Variants in STAG1 observed in about 807,000 individuals in gnomAD.
STAG1 encodes STAG1 cohesin complex component.
In STAG1, 26 loss-of-function variants were observed where a neutral mutation model predicts 170.9. The ratio of observed to expected loss-of-function variants is 0.15; its 90% CI spans 0.11 to 0.21. The LOEUF (loss-of-function observed/expected upper bound fraction) is 0.21, where lower values mean the gene tolerates loss of function less well. Ranked by LOEUF, STAG1 falls within the 10% of genes least tolerant of loss-of-function variation. STAG1 has a pLI of 1.00. For synonymous variants in STAG1, 514 were observed against 497.7 expected (o/e 1.03, Z -0.44); for missense variants, 964 against 1,509.5 (o/e 0.64, Z 5.99).
rs1384212182 is a variant in STAG1 at position 136,337,873 on chromosome 3, A to C, written c.*381T>G. 5.9e-6 allele frequency: 1 copy of C among 168,234 alleles called. No homozygotes were observed. The highest frequency in any genetic ancestry group is 2.4e-5 in the African/African-American group (1 of 42,280). The allele number at this position is 168,234 out of a possible 1,614,324, so 10.4% of individuals were successfully genotyped here. ...TTTTAAATTGTACAACAGGAAAATA[A>C]AGTTAAAAATATGTTTTTTTTTACT... is the stretch of plus-strand genomic sequence containing the variant. On this transcript the variant is annotated 3_prime_UTR_variant, in exon 34 of 34. Coordinates refer to ENST00000383202, the MANE Select transcript of STAG1 (RefSeq NM_005862.3).
Position 136,497,156 on chromosome 3 carries a change from T to C in STAG1, c.902+3067A>G, listed in dbSNP as rs570520977. ...CTAGGCTCCAATGGTAGAACTCTTA[T>C]CTGAAGAAGAAATAATACCAGTTCT... On this transcript the variant is annotated intron_variant, in intron 9 of 33. Transcript: ENST00000383202. Among the ~76,000 whole-genome samples the C allele has an allele frequency of 2.2e-4, 34 of 152,120 alleles. No homozygotes were observed. In the South Asian group the frequency reaches 7.1e-3, roughly 32 times the overall value.
chr3:136,366,609 T>C (rs1036000210), intron 25 of STAG1, among the ~76,000 whole-genome samples: 1 of 152,036 alleles, frequency 6.6e-6, no homozygotes, highest in Non-Finnish European at 1.5e-5. Context: ...ACAAGGCAAA[T>C]ACAGGAAAAC....
chr3:136,714,966 T>TA (rs1393561506), intron 1 of STAG1, among the ~76,000 whole-genome samples: 15 of 102,458 alleles, frequency 1.5e-4, no homozygotes, highest in South Asian at 2.8e-4. Flanking sequence ...TATATATATT[T>TA]TATATATATA....
chr3:136,340,453 A>G (rs1935923458), intron 32 of STAG1, 38 bp downstream of exon 32: 5 of 1,366,810 alleles, frequency 3.7e-6, no homozygotes, highest in Admixed American at 1.7e-5. Context: ...ATGCCCCCAC[A>G]TATTTTAACA....
At chr3:136,443,652 A>G (rs2088694827) in intron 14 of STAG1, among the ~76,000 whole-genome samples, 1 of 152,216 alleles carries the variant, frequency 6.6e-6, no homozygotes, top group South Asian at 2.1e-4. Context: ...CATCATTTAT[A>G]GATGAGGAAA....
At chr3:136,414,127 G>A (rs556338645) in intron 21 of STAG1, among the ~76,000 whole-genome samples, 5 of 152,296 alleles carry the variant, frequency 3.3e-5, no homozygotes, top group East Asian at 3.9e-4. Context: ...TAACAGGGTC[G>A]TTGTTGAAGG....
chr3:136,663,771 A>G (rs951083221), intron 1 of STAG1, among the ~76,000 whole-genome samples: 6 of 152,182 alleles, frequency 3.9e-5, no homozygotes, highest in African/African-American at 1.4e-4. Flanking sequence ...TTTTGTTTTT[A>G]AACTCAGAAA....
intron 21 of STAG1, among the ~76,000 whole-genome samples, chr3:136,415,220 C>A (rs576219436): frequency 1.3e-5 from 2 of 151,588 alleles, no homozygotes; most frequent in Non-Finnish European, 2.9e-5. Context: ...AAAAAAACCA[C>A]GCAATAAAGC....
intron 25 of STAG1, among the ~76,000 whole-genome samples, chr3:136,363,911 G>T (rs552476024): frequency 2.0e-5 from 3 of 151,986 alleles, no homozygotes; most frequent in Non-Finnish European, 4.4e-5. Context: ...GTGCCACCAC[G>T]CCTGGCTAAT....
At chr3:136,348,573 T>A (rs866894672) in intron 29 of STAG1, among the ~76,000 whole-genome samples, 9 of 150,660 alleles carry the variant, frequency 6.0e-5, no homozygotes, top group African/African-American at 2.2e-4. Flanking sequence ...CCATTTAAAA[T>A]TTTTTTTTTC....
chr3:136,642,411 A>G (rs1940839774), intron 1 of STAG1, among the ~76,000 whole-genome samples: 2 of 151,218 alleles, frequency 1.3e-5, no homozygotes, highest in African/African-American at 4.9e-5. Flanking sequence ...AGCTGGGATT[A>G]CAGACATGTA....
intron 1 of STAG1, among the ~76,000 whole-genome samples, chr3:136,647,280 A>C (rs1941060416): frequency 6.6e-6 from 1 of 152,144 alleles, no homozygotes; most frequent in Non-Finnish European, 1.5e-5. Flanking sequence ...AAATAAAAAT[A>C]TCTTTCCTGG....
chr3:136,493,668 A>C (rs2090162409), intron 9 of STAG1, among the ~76,000 whole-genome samples: 1 of 151,572 alleles, frequency 6.6e-6, no homozygotes, highest in Admixed American at 6.6e-5. Flanking sequence ...AAAAAAAAAA[A>C]AAAAAACAAC....
intron 4 of STAG1, among the ~76,000 whole-genome samples, chr3:136,600,586 T>C (rs1035110166): frequency 3.3e-5 from 5 of 152,144 alleles, no homozygotes; most frequent in African/African-American, 4.8e-5. Flanking sequence ...GGCTGGCGTG[T>C]AGTGGCACAA....
intron 5 of STAG1, among the ~76,000 whole-genome samples, chr3:136,565,127 GAGAA>G (rs1344018522): frequency 6.8e-6 from 1 of 146,076 alleles, no homozygotes; most frequent in Admixed American, 6.9e-5. Flanking sequence ...AGAAAGGAAA[GAGAA>G]AGGGAAGAGA....
intron 1 of STAG1, among the ~76,000 whole-genome samples, chr3:136,699,574 TG>T (rs1942989381): frequency 6.6e-6 from 1 of 151,698 alleles, no homozygotes; most frequent in Non-Finnish European, 1.5e-5. Flanking sequence ...TTATGGTAGA[TG>T]GGGTTTCACC....
intron 13 of STAG1, among the ~76,000 whole-genome samples, chr3:136,460,370 G>C (rs929940334): frequency 6.6e-6 from 1 of 152,160 alleles, no homozygotes; most frequent in South Asian, 2.1e-4. Flanking sequence ...TGGAGGCCAA[G>C]GTGGGTGAAT....
At chr3:136,528,527 A>G (rs1935197045) in intron 6 of STAG1, among the ~76,000 whole-genome samples, 1 of 134,182 alleles carries the variant, frequency 7.5e-6, no homozygotes, top group Non-Finnish European at 1.6e-5. Context: ...AAGTCCTGGA[A>G]AAGGAATCCA....
At chr3:136,594,716 G>T (rs952985484) in intron 4 of STAG1, among the ~76,000 whole-genome samples, 2 of 152,166 alleles carry the variant, frequency 1.3e-5, no homozygotes, top group Admixed American at 6.5e-5. Context: ...AATTAATATT[G>T]TAGCCCTGCG....
Sources: allele counts gnomAD v4.1 joint callset (sites outside exome capture counted in the v4.1 genomes callset), GRCh38; gene constraint gnomAD v4.1.1; transcripts MANE v1.5; gene names NCBI Gene and HGNC (gene_info 2026-07-23, HGNC 2026-07-21).